The following REN variants were observed in gnomAD, a reference collection of about 807,000 sequenced individuals.
The protein encoded by REN is renin.
Under a neutral mutation model 48.6 loss-of-function variants are expected in REN, and 42 were observed. The ratio of observed to expected loss-of-function variants is 0.86; its 90% CI spans 0.68 to 1.12. REN has a LOEUF of 1.12. Ranked by LOEUF, REN falls within the 50% of genes most tolerant of loss-of-function variation. The probability of loss-of-function intolerance (pLI) is 0.00; values close to 1 mark genes in which losing one functional copy is unlikely to be tolerated. For synonymous variants in REN, 196 were observed against 204.6 expected (o/e 0.96, Z 0.36); for missense variants, 443 against 527.3 (o/e 0.84, Z 1.57).
Position 204,166,248 on chromosome 1 carries a change from G to A in REN, c.46C>T (p.Leu16Phe). The change falls in exon 1 of 10, where the codon CTC becomes TTC. Residue 16 changes from leucine (L) to phenylalanine (F), a missense_variant. Leu to Phe is a conservative substitution (Grantham distance 22). Coordinates refer to ENST00000272190, the MANE Select transcript of REN (RefSeq NM_000537.4). The stretch of plus-strand genomic sequence containing the variant: ...AGACCAAAGGTACAGGAGCCCCAGA[G>A]CAGCAGCAGCAGTCCCCAGCGAGGC... ...RMPRWGLLLLLWGSCTFGLPT... is the reference protein window; with the variant it reads ...RMPRWGLLLLFWGSCTFGLPT... 1 of 1,612,806 alleles carries A rather than the reference G, an allele frequency of 6.2e-7. No homozygotes were observed.
At chr1:204,158,411 C>CTTTTTTT (rs576572389) in intron 5 of REN, among the ~76,000 whole-genome samples, 63 of 97,208 alleles carry the variant, frequency 6.5e-4, no homozygotes, top group Non-Finnish European at 8.9e-4. Context: ...ACCCTTGTGA[C>CTTTTTTT]TTTTTTTTTT....
In REN at chr1:204,155,810, C is replaced by T. The variant is rs5708; in HGVS notation, c.1059+10G>A. 15 of 1,610,246 alleles carry T rather than the reference C, an allele frequency of 9.3e-6. No individual in the cohort carries two copies. Among genetic ancestry groups the T allele is most frequent in the African/African-American group, 8.0e-5 (6 of 74,970 alleles). On this transcript the variant is annotated intron_variant, in intron 9 of 9. Transcript: ENST00000272190. ...CTCCCTGCCACCGAGGGGGCCGACT[C>T]GAACCTCACCTGAAATACATAGTCC...
At chr1:204,164,239 C>T (rs11571101) in intron 1 of REN, among the ~76,000 whole-genome samples, 1,611 of 152,284 alleles carry the variant, frequency 0.011, 20 homozygotes, top group African/African-American at 0.036. Context: ...AATTACTCTC[C>T]GAGAGCCTCA....
intron 5 of REN, among the ~76,000 whole-genome samples, chr1:204,158,195 C>G (rs1208294170): frequency 6.6e-6 from 1 of 151,690 alleles, no homozygotes; most frequent in African/African-American, 2.4e-5. Context: ...TCGTCCACCT[C>G]TTAACTTCTT....
At chr1:204,165,709 G>T (rs1658335621) in intron 1 of REN, among the ~76,000 whole-genome samples, 1 of 151,948 alleles carries the variant, frequency 6.6e-6, no homozygotes, top group Admixed American at 6.6e-5. Flanking sequence ...TCCTGCCTCA[G>T]CTTCCCGAGT....
In REN at chr1:204,156,448, A is replaced by G. The variant is rs1658152711; in HGVS notation, c.819-129T>C. The G allele has an allele frequency of 7.1e-6, 10 of 1,410,460 alleles. No individual in the cohort carries two copies. Among genetic ancestry groups the G allele is most frequent in the Non-Finnish European group, 9.7e-6 (10 of 1,028,218 alleles). 87.4% of individuals were successfully genotyped at this position (1,410,460 alleles called of 1,614,324 possible). On this transcript the variant is annotated intron_variant, in intron 7 of 9. Coordinates refer to ENST00000272190, the MANE Select transcript of REN (RefSeq NM_000537.4). The surrounding 1 kb of genome is among the most constrained non-coding windows in gnomAD (Gnocchi z 4.2). ...GGCCACGCTGGTGGCCTGTTGAGGC[A>G]GTGAGTAGAGGAGGGAAGGTACTGT... is the stretch of plus-strand genomic sequence containing the variant.
rs1360060130 is a variant in REN, at chr1:204,162,052, G to A, written c.210C>T (p.Gly70=). ...WSQPMKRLTL[G]NTTSSVILTN... is the part of the protein sequence containing the mutation. ...TGAGGATCACGGAGGAGGTGGTGTTGCCAAGTGTCAGCCTCTTCATGGGTT... is the reference window on the plus strand; with the variant it reads ...TGAGGATCACGGAGGAGGTGGTGTTACCAAGTGTCAGCCTCTTCATGGGTT... Residue 70 remains glycine (G), a synonymous_variant, in exon 2 of 10, where the codon GGC becomes GGT. Coordinates refer to ENST00000272190, the MANE Select transcript of REN (RefSeq NM_000537.4). 6.2e-7 allele frequency: 1 copy of A among 1,613,986 alleles called. No individual in the cohort carries two copies. Among genetic ancestry groups the A allele is most frequent in the Non-Finnish European group, 8.5e-7 (1 of 1,180,022 alleles).
chr1:204,158,283 CT>C (rs1658185926), intron 5 of REN, among the ~76,000 whole-genome samples: 2 of 152,164 alleles, frequency 1.3e-5, no homozygotes, highest in Admixed American at 1.3e-4. Context: ...GCCAATTGGC[CT>C]TTTCTCAAGG....
chr1:204,155,937 A>G lies in REN; in HGVS notation c.961-19T>C. The G allele has an allele frequency of 6.3e-7, 1 of 1,598,812 alleles. No individual in the cohort carries two copies. The highest frequency in any genetic ancestry group is 1.1e-5 in the South Asian group (1 of 90,750). ...CGACATACTGGGGTGGGGGGCAAAG[A>G]GAGCCTTCTTGAGTATGGAAGACGT... On this transcript the variant is annotated intron_variant, in intron 8 of 9. Coordinates refer to ENST00000272190, the MANE Select transcript of REN (RefSeq NM_000537.4).
At position 204,160,540 on chromosome 1, in the gene REN, C is replaced by T. The variant is rs371026875; in HGVS notation, c.492+20G>A. 49 of 1,556,618 alleles carry T rather than the reference C, an allele frequency of 3.1e-5. No individual in the cohort carries two copies. The highest frequency in any genetic ancestry group is 4.3e-5 in the Non-Finnish European group (48 of 1,127,672). ...GACAGAAGGGGTCCGGGGCAGATGA[C>T]CTAGGGCGGCCCAACTTACGGTGAT... On this transcript the variant is annotated intron_variant, in intron 4 of 9. Coordinates refer to ENST00000272190, the MANE Select transcript of REN (RefSeq NM_000537.4).
chr1:204,154,979 G>T lies in REN; in HGVS notation c.*37C>A, dbSNP rs1194064749. ...CAGAGAGTGTTCCAGCTCTGGGCCAGGGCTGAAGGCAGGGCCTGCCTGGGT... is the reference window on the plus strand; with the variant it reads ...CAGAGAGTGTTCCAGCTCTGGGCCATGGCTGAAGGCAGGGCCTGCCTGGGT... On this transcript the variant is annotated 3_prime_UTR_variant, in exon 10 of 10. Coordinates refer to ENST00000272190, the MANE Select transcript of REN (RefSeq NM_000537.4). 1 of 1,611,344 alleles carries T rather than the reference G, an allele frequency of 6.2e-7. No individual in the cohort carries two copies. Among genetic ancestry groups the T allele is most frequent in the Non-Finnish European group, 8.5e-7 (1 of 1,179,490 alleles).
chr1:204,158,919 C>T (rs1010389974), intron 5 of REN, among the ~76,000 whole-genome samples: 1 of 152,184 alleles, frequency 6.6e-6, no homozygotes, highest in African/African-American at 2.4e-5. Flanking sequence ...GATGAGTGAG[C>T]AAACAAACGA....
intron 1 of REN, among the ~76,000 whole-genome samples, chr1:204,164,030 A>T (rs1658295454): frequency 6.6e-6 from 1 of 152,212 alleles, no homozygotes; most frequent in African/African-American, 2.4e-5. Flanking sequence ...GCCTCGCATG[A>T]TGCTCTGCAC....
chr1:204,158,095 T>A (rs1658179738), intron 5 of REN, among the ~76,000 whole-genome samples: 1 of 142,284 alleles, frequency 7.0e-6, no homozygotes, highest in Non-Finnish European at 1.5e-5. Flanking sequence ...TGCTTCTGGA[T>A]CTCACCCCCC....
At position 204,159,437 on chromosome 1, in the gene REN, C is replaced by G; in HGVS notation, c.651G>C (p.Gly217=). 1 of 1,614,122 alleles carries G rather than the reference C, an allele frequency of 6.2e-7. No individual in the cohort carries two copies. The highest frequency in any genetic ancestry group is 8.5e-7 in the Non-Finnish European group (1 of 1,180,032). ...TPIFDNIISQ[G]VLKEDVFSFY... is the part of the protein sequence containing the mutation. ...AAGAGAAGACGTCCTCTTTTAGCAC[C>G]CCTTGGGAGATGATGTTGTCGAAGA... The change falls in exon 5 of 10, where the codon GGG becomes GGC. Residue 217 remains glycine (G), a synonymous_variant. Coordinates refer to ENST00000272190, the MANE Select transcript of REN (RefSeq NM_000537.4).
At chr1:204,163,596 C>A (rs867837203) in intron 1 of REN, among the ~76,000 whole-genome samples, 4 of 152,094 alleles carry the variant, frequency 2.6e-5, no homozygotes, top group African/African-American at 9.7e-5. Context: ...TCCTTTTCCC[C>A]CCAGTTCTTT....
intron 3 of REN, among the ~76,000 whole-genome samples, chr1:204,160,986 A>T (rs1179099232): frequency 6.6e-6 from 1 of 152,174 alleles, no homozygotes; most frequent in Non-Finnish European, 1.5e-5. Context: ...AAGACTAGGG[A>T]TGGAAGAGTT....
Position 204,160,557 on chromosome 1 carries a change from T to C in REN, c.492+3A>G, listed in dbSNP as rs5706. The stretch of plus-strand genomic sequence containing the variant: ...GCAGATGACCTAGGGCGGCCCAACT[T>C]ACGGTGATGATGTCCTGGCTGAGAA... On this transcript the variant is annotated splice_donor_region_variant and intron_variant, in intron 4 of 9. Transcript: ENST00000272190. The C allele has an allele frequency of 1.8e-3, 2,907 of 1,609,444 alleles. 46 individuals carry two copies. In the African/African-American group the frequency reaches 0.035, roughly 19 times the overall value.
In REN at chr1:204,154,954, CAG is replaced by C. The variant is rs1384147077; in HGVS notation, c.*60_*61del. 5 of 1,593,072 alleles carry C rather than the reference CAG, an allele frequency of 3.1e-6. No individual in the cohort carries two copies. In the East Asian group the frequency reaches 1.1e-4, roughly 36 times the overall value. On this transcript the variant is annotated 3_prime_UTR_variant, in exon 10 of 10. Transcript: ENST00000272190. ...CATAAGCCCAGGCAGAGGGGCATCT[CAG>C]AGAGTGTTCCAGCTCTGGGCCAGGG...
Sources: allele counts gnomAD v4.1 joint callset (sites outside exome capture counted in the v4.1 genomes callset), GRCh38; gene constraint gnomAD v4.1.1; non-coding constraint Gnocchi (gnomAD v3.1); transcripts MANE v1.5; gene names NCBI Gene and HGNC (gene_info 2026-07-23, HGNC 2026-07-21).